The following PBX1 variants were observed in gnomAD, a reference collection of about 807,000 sequenced individuals.
The protein encoded by PBX1 is PBX homeobox 1.
A neutral mutation model predicts 53.4 loss-of-function variants in PBX1; 6 were observed. The observed-to-expected ratio is 0.11, with a 90% confidence interval of 0.06 to 0.22. The LOEUF (loss-of-function observed/expected upper bound fraction) is 0.22. Ranked by LOEUF, PBX1 falls within the 10% of genes least tolerant of loss-of-function variation. The pLI is 1.00. For synonymous variants in PBX1, 204 were observed against 212.3 expected, an observed-to-expected ratio of 0.96 and a Z score of 0.34; for missense variants, 251 against 551.4, an observed-to-expected ratio of 0.46 and a Z score of 5.46.
At chr1:164,776,166 C>T (rs1036853995) in intron 2 of PBX1, among the ~76,000 whole-genome samples, 8 of 152,140 alleles carry the variant, frequency 5.3e-5, no homozygotes, top group Non-Finnish European at 1.5e-5. Flanking sequence ...AGTGAAGAGG[C>T]AGCCTATCCT....
chr1:164,560,675 G>A (rs1015500554), intron 1 of PBX1, among the ~76,000 whole-genome samples: 1 of 152,110 alleles, frequency 6.6e-6, no homozygotes. Flanking sequence ...TGATGAAAAG[G>A]TGATTTTGTT....
At chr1:164,650,370 A>G (rs1659728406) in intron 2 of PBX1, among the ~76,000 whole-genome samples, 1 of 151,900 alleles carries the variant, frequency 6.6e-6, no homozygotes. Flanking sequence ...CTGGGATTAC[A>G]GGCACCTGCT....
At chr1:164,761,269 A>C (rs1300517652) in intron 2 of PBX1, among the ~76,000 whole-genome samples, 1 of 152,248 alleles carries the variant, frequency 6.6e-6, no homozygotes, top group Non-Finnish European at 1.5e-5. Context: ...TGTAGAGCAA[A>C]TTATGCAAAT....
chr1:164,665,703 C>T (rs901329417), intron 2 of PBX1, among the ~76,000 whole-genome samples: 5 of 152,230 alleles, frequency 3.3e-5, no homozygotes, highest in Non-Finnish European at 7.3e-5. Context: ...CCACTGGAAA[C>T]ACCTCTACCT....
chr1:164,560,650 GTT>G (rs928198231), intron 1 of PBX1, among the ~76,000 whole-genome samples: 1 of 151,900 alleles, frequency 6.6e-6, no homozygotes, highest in African/African-American at 2.4e-5. Context: ...ACTTAATTTT[GTT>G]TTTTTAAAAA....
At chr1:164,656,456 A>G (rs1183262354) in intron 2 of PBX1, among the ~76,000 whole-genome samples, 1 of 152,176 alleles carries the variant, frequency 6.6e-6, no homozygotes, top group Non-Finnish European at 1.5e-5. Flanking sequence ...TGAAGTCAGA[A>G]AAGAATTCAT....
At chr1:164,719,415 A>C (rs1336944799) in intron 2 of PBX1, among the ~76,000 whole-genome samples, 1 of 152,214 alleles carries the variant, frequency 6.6e-6, no homozygotes. Context: ...AGGAAGTGGT[A>C]GCCATTTTTA....
intron 2 of PBX1, among the ~76,000 whole-genome samples, chr1:164,568,077 C>T (rs1653563103): frequency 6.6e-6 from 1 of 152,094 alleles, no homozygotes. Flanking sequence ...CTGTTGACAT[C>T]CATGAACTTT....
At chr1:164,567,333 C>T (rs1653504873) in intron 2 of PBX1, among the ~76,000 whole-genome samples, 1 of 152,074 alleles carries the variant, frequency 6.6e-6, no homozygotes, top group African/African-American at 2.4e-5. Context: ...TGATCAGATT[C>T]CTTTTGGGGT....
chr1:164,763,768 G>A (rs1666924563), intron 2 of PBX1, among the ~76,000 whole-genome samples: 1 of 152,194 alleles, frequency 6.6e-6, no homozygotes, highest in East Asian at 1.9e-4. Context: ...CCAAAGAGGA[G>A]GTGATGTACT....
chr1:164,657,573 C>T (rs539349712), intron 2 of PBX1, among the ~76,000 whole-genome samples: 1 of 152,252 alleles, frequency 6.6e-6, no homozygotes, highest in Admixed American at 6.5e-5. Flanking sequence ...AAAATTCATG[C>T]AAGAGGCTAA....
chr1:164,665,984 A>G (rs1206042738), intron 2 of PBX1, among the ~76,000 whole-genome samples: 5 of 152,172 alleles, frequency 3.3e-5, no homozygotes, highest in African/African-American at 1.2e-4. Flanking sequence ...GGAATTATCA[A>G]AATTGTCGTG....
intron 8 of PBX1, among the ~76,000 whole-genome samples, chr1:164,830,557 A>G (rs889896492): frequency 6.6e-6 from 1 of 152,188 alleles, no homozygotes; most frequent in African/African-American, 2.4e-5. Context: ...AAATACCTAC[A>G]TTTGTTATGG....
intron 4 of PBX1, among the ~76,000 whole-genome samples, chr1:164,801,519 G>A (rs1669071517): frequency 6.6e-6 from 1 of 152,010 alleles, no homozygotes; most frequent in Admixed American, 6.5e-5. Flanking sequence ...CAGAGAGAAG[G>A]GAGGGGCAGA....
chr1:164,618,500 GAA>G (rs1357786182), intron 2 of PBX1, among the ~76,000 whole-genome samples: 1 of 152,166 alleles, frequency 6.6e-6, no homozygotes, highest in African/African-American at 2.4e-5. Context: ...GAAAATAAAT[GAA>G]AGAGTGGAAG....
At chr1:164,830,266 A>G (rs1670687658) in intron 8 of PBX1, among the ~76,000 whole-genome samples, 1 of 152,244 alleles carries the variant, frequency 6.6e-6, no homozygotes, top group Non-Finnish European at 1.5e-5. Flanking sequence ...TAAAATTGGC[A>G]GGAGAGTGAT....
chr1:164,580,594 G>A (rs12046698), intron 2 of PBX1, among the ~76,000 whole-genome samples: 3,635 of 151,492 alleles, frequency 0.024, 182 homozygotes, highest in East Asian at 0.18. Context: ...TTTGTTTTTT[G>A]AGATGGAGTT....
rs74121228 is a variant in PBX1 at position 164,777,662 on chromosome 1, A to T, written c.266-14832A>T. Among the ~76,000 whole-genome samples the T allele has an allele frequency of 9.3e-3, 1,420 of 152,272 alleles. 22 individuals are homozygous for T. Among genetic ancestry groups the T allele is most frequent in the African/African-American group, 0.033 (1,360 of 41,540 alleles). On this transcript the variant is annotated intron_variant, in intron 2 of 8. Coordinates refer to ENST00000420696, the MANE Select transcript of PBX1 (RefSeq NM_002585.4). Reference sequence around the variant, plus strand: ...TTTTATTCTGTTCATAATTATTTACATCCCTGTCACTTAAAGGCTGGATAA... The same window carrying T: ...TTTTATTCTGTTCATAATTATTTACTTCCCTGTCACTTAAAGGCTGGATAA...
At chr1:164,811,279 C>T (rs904733901) in intron 5 of PBX1, among the ~76,000 whole-genome samples, 1 of 152,082 alleles carries the variant, frequency 6.6e-6, no homozygotes, top group Non-Finnish European at 1.5e-5. Context: ...ACACCTGCTG[C>T]GAACCACATG....
Sources: gnomAD v4.1 joint callset for allele counts (sites outside exome capture counted in the v4.1 genomes callset) on GRCh38, gnomAD v4.1.1 for gene constraint, MANE v1.5 for transcripts, NCBI Gene and HGNC (gene_info 2026-07-23, HGNC 2026-07-21) for gene names.